The following ADGRF3 variants were observed in gnomAD, a reference collection of about 807,000 sequenced individuals.
The protein encoded by ADGRF3 is G protein-coupled receptor 113.
ADGRF3 carries 85 observed loss-of-function variants against 93.2 expected under a neutral mutation model. The observed-to-expected ratio is 0.91, with a 90% CI of 0.77 to 1.09. The LOEUF (loss-of-function observed/expected upper bound fraction) is 1.09. ADGRF3 is among the 50% of genes least tolerant of loss of function. ADGRF3 has a pLI of 0.00. For synonymous variants in ADGRF3, 534 were observed against 532.5 expected, an observed-to-expected ratio of 1.00 and a Z score of -0.04; for missense variants, 1,125 against 1,246.2, an observed-to-expected ratio of 0.90 and a Z score of 1.46.
chr2:26,311,409 C>T lies in ADGRF3; in HGVS notation c.2115G>A (p.Leu705=). 3.7e-6 allele frequency: 6 copies of T among 1,614,036 alleles called. No homozygotes were observed. Among genetic ancestry groups the T allele is most frequent in the Non-Finnish European group, 5.1e-6 (6 of 1,179,898 alleles). ...TGGAAGCTCCCAAGCCCACTTGAGT[C>T]AGCAGCGCCAGAGCGGGTTCTTCCG... ...TVPEEPALAL[L]TQVGLGASIL... The change falls in exon 10 of 14, where the codon CTG becomes CTA. Residue 705 remains leucine (L), a synonymous_variant. Coordinates refer to ENST00000651242, the MANE Select transcript of ADGRF3 (RefSeq NM_001321971.2).
intron 1 of ADGRF3, among the ~76,000 whole-genome samples, chr2:26,320,202 A>G (rs1675068588): frequency 6.6e-6 from 1 of 152,242 alleles, no homozygotes; most frequent in Non-Finnish European, 1.5e-5. Flanking sequence ...AGGAATAGAA[A>G]TAGTTTGATA....
chr2:26,346,019 C>G (rs1676714818), intron 1 of ADGRF3, 102 bp downstream of exon 1: 6 of 1,263,492 alleles, frequency 4.7e-6, no homozygotes, highest in Non-Finnish European at 6.5e-6. Context: ...AACCCCCCCT[C>G]GATGGGCGGG....
At chr2:26,318,885 C>T (rs1209111835) in intron 1 of ADGRF3, 1 of 1,548,876 alleles carries the variant, frequency 6.5e-7, no homozygotes, top group East Asian at 2.4e-5. Context: ...TCCTTTCATT[C>T]CATGCTTTGT....
At chr2:26,313,640 C>A (rs774324896) in intron 7 of ADGRF3, 67 bp from the exon 8 acceptor site, 68 of 1,562,704 alleles carry the variant, frequency 4.4e-5, no homozygotes, top group Non-Finnish European at 5.9e-5. Flanking sequence ...TTGGGCAGAA[C>A]CCTATGCGGG....
intron 1 of ADGRF3, chr2:26,318,904 A>G (rs774272739): frequency 2.0e-5 from 31 of 1,550,802 alleles, no homozygotes; most frequent in African/African-American, 1.5e-4. Context: ...GTCTCTCCCA[A>G]TCAGGGGTCC....
chr2:26,346,362 C>A lies in ADGRF3; in HGVS notation c.-128G>T. 6.7e-7 allele frequency: 1 copy of A among 1,495,224 alleles called. No individual in the cohort carries two copies. Among genetic ancestry groups the A allele is most frequent in the African/African-American group, 1.4e-5 (1 of 70,952 alleles). 92.6% of individuals were successfully genotyped at this position (1,495,224 alleles called of 1,614,324 possible). ...AGGCGGCTGAGGGGCCCGCGCGGCG[C>A]GGTCCGTGTCACCTTGTGCCGCGTG... On this transcript the variant is annotated 5_prime_UTR_variant, in exon 1 of 14. Transcript: ENST00000651242.
intron 2 of ADGRF3, 74 bp downstream of exon 2, chr2:26,317,422 T>G (rs1188295627): frequency 3.5e-6 from 5 of 1,425,106 alleles, no homozygotes; most frequent in Non-Finnish European, 4.8e-6. Flanking sequence ...CTCTCTTTTC[T>G]GGGTCCTGGG....
At position 26,309,113 on chromosome 2, in the gene ADGRF3, A is replaced by C. The variant is rs1188212155; in HGVS notation, c.2994-6T>G. On this transcript the variant is annotated splice_polypyrimidine_tract_variant and splice_region_variant and intron_variant, in intron 13 of 13. Coordinates refer to ENST00000651242, the MANE Select transcript of ADGRF3 (RefSeq NM_001321971.2). ...ACTCTGAAGCATCTGTCTTCCTGTG[A>C]AAGAGCTTGCGGCTGGTGAGTGGAT... 1 of 1,614,024 alleles carries C rather than the reference A, an allele frequency of 6.2e-7. No individual in the cohort carries two copies. The highest frequency in any genetic ancestry group is 1.7e-5 in the Admixed American group (1 of 60,026).
chr2:26,309,279 G>T, intron 13 of ADGRF3, 172 bp from the exon 14 acceptor site: 1 of 1,554,358 alleles, frequency 6.4e-7, no homozygotes, highest in Non-Finnish European at 8.7e-7. Flanking sequence ...GTCAAGGACT[G>T]GTGGTGGTGA....
At chr2:26,320,321 A>G (rs966057385) in intron 1 of ADGRF3, among the ~76,000 whole-genome samples, 5 of 152,128 alleles carry the variant, frequency 3.3e-5, no homozygotes, top group African/African-American at 1.2e-4. Flanking sequence ...ACATGGTGAA[A>G]CCCTGTCTCA....
rs1453770444 is a variant in ADGRF3 at position 26,311,285 on chromosome 2, T to C, written c.2239A>G (p.Met747Val). ...TCTGCGGCCAGCAAGCAGAACACCA[T>C]GTTGAGCAGGGCGGCGTGGCGGAAA... ...SYFRHAALLN[M>V]VFCLLAADTC... Residue 747 changes from methionine to valine, a missense_variant, in exon 10 of 14, where the codon ATG (methionine) becomes GTG (valine). By Grantham distance (21) the Met-to-Val change is conservative. Coordinates refer to ENST00000651242, the MANE Select transcript of ADGRF3 (RefSeq NM_001321971.2). 5 of 1,613,548 alleles carry C rather than the reference T, an allele frequency of 3.1e-6. No individual in the cohort carries two copies. The highest frequency in any genetic ancestry group is 3.3e-5 in the Admixed American group (2 of 59,962).
At chr2:26,313,182 C>T in intron 8 of ADGRF3, 60 bp from the exon 9 acceptor site, 1 of 1,583,800 alleles carries the variant, frequency 6.3e-7, no homozygotes, top group Non-Finnish European at 8.6e-7. Context: ...TTGAGAAGAG[C>T]ATCCCAGACC....
rs1386068502 is a variant in ADGRF3, at chr2:26,315,525, C to T, written c.715G>A (p.Ala239Thr). Residue 239 changes from alanine to threonine, a missense_variant, in exon 5 of 14, where the codon GCA becomes ACA. Ala to Thr is a moderately conservative substitution (Grantham distance 58). Transcript: ENST00000651242. Reference sequence around the variant, plus strand: ...AAGGAGAGGACAGGCTGGCTACCTGCCCAGTGATGGGACATGTTGGAGACG... The same window carrying T: ...AAGGAGAGGACAGGCTGGCTACCTGTCCAGTGATGGGACATGTTGGAGACG... ...LSVSNMSHHW[A>T]GEYMSCFEAQ... The T allele has an allele frequency of 2.6e-6, 4 of 1,550,170 alleles. No individual in the cohort carries two copies. Among genetic ancestry groups the T allele is most frequent in the Admixed American group, 3.9e-5 (2 of 50,960 alleles).
intron 1 of ADGRF3, among the ~76,000 whole-genome samples, chr2:26,326,510 T>C (rs1409594100): frequency 6.6e-6 from 1 of 152,154 alleles, no homozygotes; most frequent in African/African-American, 2.4e-5. Flanking sequence ...AGTGAACTTA[T>C]TTCAATATTC....
At chr2:26,326,742 G>T (rs192674992) in intron 1 of ADGRF3, among the ~76,000 whole-genome samples, 2 of 152,122 alleles carry the variant, frequency 1.3e-5, no homozygotes, top group Admixed American at 1.3e-4. Context: ...ACTGCCCTCT[G>T]CCCATAACCA....
At chr2:26,320,466 A>T (rs1410961167) in intron 1 of ADGRF3, among the ~76,000 whole-genome samples, 1 of 152,234 alleles carries the variant, frequency 6.6e-6, no homozygotes, top group Non-Finnish European at 1.5e-5. Flanking sequence ...ATTGCACTCC[A>T]GCCTGGGCAA....
intron 1 of ADGRF3, among the ~76,000 whole-genome samples, chr2:26,330,197 G>A (rs182544489): frequency 8.5e-5 from 13 of 152,262 alleles, no homozygotes; most frequent in Admixed American, 5.2e-4. Context: ...GCAGATGTGT[G>A]CCACCCAGTG....
chr2:26,313,134 G>C lies in ADGRF3; in HGVS notation c.1270-12C>G, dbSNP rs767442940. 1 of 1,613,390 alleles carries C rather than the reference G, an allele frequency of 6.2e-7. No homozygotes were observed. The highest frequency in any genetic ancestry group is 1.7e-5 in the Admixed American group (1 of 60,026). On this transcript the variant is annotated splice_polypyrimidine_tract_variant and intron_variant, in intron 8 of 13. Coordinates refer to ENST00000651242, the MANE Select transcript of ADGRF3 (RefSeq NM_001321971.2). Reference sequence around the variant, plus strand: ...CCTGCCTGCAGCAGCTGAGACAGACGAGACAGCATGAAGTGGGACACATGG... The same window carrying C: ...CCTGCCTGCAGCAGCTGAGACAGACCAGACAGCATGAAGTGGGACACATGG...
intron 1 of ADGRF3, among the ~76,000 whole-genome samples, chr2:26,337,131 A>G (rs12615250): frequency 0.094 from 14,274 of 152,272 alleles, 1,764 homozygotes; most frequent in East Asian, 0.61. Context: ...GTTTACAAAT[A>G]TAGGGGCAGT....
Sources: gnomAD v4.1 joint callset for allele counts (sites outside exome capture counted in the v4.1 genomes callset) on GRCh38, gnomAD v4.1.1 for gene constraint, MANE v1.5 for transcripts, NCBI Gene and HGNC (gene_info 2026-07-23, HGNC 2026-07-21) for gene names.